The following DNAJC21 variants were observed in gnomAD, a reference collection of about 807,000 sequenced individuals.
The protein encoded by DNAJC21 is DnaJ heat shock protein family (Hsp40) member C21.
Under a neutral mutation model 72.4 loss-of-function variants are expected in DNAJC21, and 63 were observed. The observed-to-expected ratio is 0.87, with a 90% CI of 0.71 to 1.07. The LOEUF is 1.07. DNAJC21 is among the 50% of genes least tolerant of loss of function. The pLI is 0.00. For missense variants in DNAJC21, 634 were observed against 644.8 expected (o/e 0.98, Z 0.18); for synonymous variants, 203 against 216.7 (o/e 0.94, Z 0.56).
At chr5:34,948,331 T>G (rs1765240306) in intron 9 of DNAJC21, among the ~76,000 whole-genome samples, 1 of 152,166 alleles carries the variant, frequency 6.6e-6, no homozygotes, top group South Asian at 2.1e-4. Context: ...GGCTTGCTCT[T>G]TGGAGAAATA....
chr5:34,937,013 A>G (rs1764802473), intron 4 of DNAJC21, among the ~76,000 whole-genome samples: 1 of 152,196 alleles, frequency 6.6e-6, no homozygotes, highest in Non-Finnish European at 1.5e-5. Flanking sequence ...AGCCTTCCAA[A>G]GTGCTGGGAT....
intron 1 of DNAJC21, 87 bp from the exon 2 acceptor site, chr5:34,933,728 T>C (rs1764676267): frequency 9.9e-7 from 1 of 1,013,132 alleles, no homozygotes; most frequent in Non-Finnish European, 1.5e-6. Context: ...ACGTCTCATC[T>C]GTTTGTGGCA....
chr5:34,951,995 T>C (rs560501088), intron 10 of DNAJC21: 62 of 985,436 alleles, frequency 6.3e-5, no homozygotes, highest in Non-Finnish European at 7.2e-5. Flanking sequence ...AGATACATTA[T>C]ACCCAGCACC....
intron 7 of DNAJC21, among the ~76,000 whole-genome samples, chr5:34,944,084 C>CA (rs1291940595): frequency 7.9e-5 from 12 of 152,310 alleles, no homozygotes; most frequent in Admixed American, 4.6e-4. Flanking sequence ...AGATAGTTGA[C>CA]AAAGTTTCCT....
chr5:34,956,428 T>C lies in DNAJC21; in HGVS notation c.*1714T>C, dbSNP rs939385732. 3 of 152,218 alleles carry C rather than the reference T, an allele frequency of 2.0e-5. No homozygotes were observed. Among genetic ancestry groups the C allele is most frequent in the Non-Finnish European group, 2.9e-5 (2 of 68,036 alleles). The allele number at this position is 152,218 out of a possible 1,614,324, so 9.4% of individuals were successfully genotyped here. A position where few individuals can be genotyped will look rare whatever the true frequency, so the allele number is the denominator to read the frequency against. ...TAATTGTCCCTGCTCCCCTTCTTGA[T>C]CTCTTCAGGGGGAATACTAGGCAGT... On this transcript the variant is annotated 3_prime_UTR_variant, in exon 12 of 12. Coordinates refer to ENST00000648817, the MANE Select transcript of DNAJC21 (RefSeq NM_001012339.3).
At chr5:34,937,038 A>G (rs983785305) in intron 4 of DNAJC21, among the ~76,000 whole-genome samples, 1 of 152,236 alleles carries the variant, frequency 6.6e-6, no homozygotes, top group Non-Finnish European at 1.5e-5. Context: ...GGCGTGAGCC[A>G]CCATGCCTAC....
intron 7 of DNAJC21, among the ~76,000 whole-genome samples, chr5:34,944,441 T>TA (rs1323288556): frequency 6.6e-6 from 1 of 152,218 alleles, no homozygotes; most frequent in Non-Finnish European, 1.5e-5. Context: ...GCCTGGAATG[T>TA]AAAAACACTT....
chr5:34,950,338 A>G lies in DNAJC21; in HGVS notation c.1354A>G (p.Lys452Glu). Reference protein sequence around the residue: ...KPCDDPKSEAKSVPKPKGKKT... With the variant: ...KPCDDPKSEAESVPKPKGKKT... ...ATGTGATGATCCAAAAAGTGAAGCT[A>G]AAAGGTAAGTCAAAGTTGCATATTA... The change falls in exon 10 of 12, where the codon AAA becomes GAA. Residue 452 changes from lysine to glutamate, a missense_variant. By Grantham distance (56) the Lys-to-Glu change is moderately conservative. Transcript: ENST00000648817. 2 of 1,609,280 alleles carry G rather than the reference A, an allele frequency of 1.2e-6. No individual in the cohort carries two copies. The highest frequency in any genetic ancestry group is 1.7e-6 in the Non-Finnish European group (2 of 1,178,378).
intron 1 of DNAJC21, among the ~76,000 whole-genome samples, chr5:34,930,589 T>C (rs1164800499): frequency 6.6e-6 from 1 of 152,158 alleles, no homozygotes; most frequent in Non-Finnish European, 1.5e-5. Context: ...TTTGGATGTT[T>C]CATTGGTCTG....
chr5:34,953,400 A>G (rs1379229732), intron 10 of DNAJC21: 1 of 152,014 alleles, frequency 6.6e-6, no homozygotes, highest in East Asian at 2.0e-4. Context: ...AACTGGGATT[A>G]CAGGTGCCTG....
chr5:34,932,381 A>C (rs1448279450), intron 1 of DNAJC21, among the ~76,000 whole-genome samples: 1 of 150,442 alleles, frequency 6.6e-6, no homozygotes, highest in Non-Finnish European at 1.5e-5. Context: ...AGATCGCGCC[A>C]CTGCACTCCA....
chr5:34,935,647 A>G, intron 2 of DNAJC21, 63 bp from the exon 3 acceptor site: 1 of 1,599,448 alleles, frequency 6.3e-7, no homozygotes, highest in Non-Finnish European at 8.6e-7. Context: ...CAAAAGGAGC[A>G]AGAAATCCTT....
Position 34,938,866 on chromosome 5 carries a change from A to G in DNAJC21, c.752A>G (p.Glu251Gly). Residue 251 changes from glutamate to glycine, a missense_variant, in exon 6 of 12, where the codon GAG becomes GGG. Physicochemically the swap from Glu to Gly is moderately conservative, Grantham distance 98. Transcript: ENST00000648817. ...QQKLKQAKLV[E>G]QYREQSWMTM... Reference sequence around the variant, plus strand: ...GTGCTGTATGTGTCTAGACTGGTGGAGCAGTACAGAGAACAGAGCTGGATG... The same window carrying G: ...GTGCTGTATGTGTCTAGACTGGTGGGGCAGTACAGAGAACAGAGCTGGATG... 6.2e-7 allele frequency: 1 copy of G among 1,612,608 alleles called. No individual in the cohort carries two copies. Among genetic ancestry groups the G allele is most frequent in the Non-Finnish European group, 8.5e-7 (1 of 1,179,550 alleles).
At position 34,935,788 on chromosome 5, in the gene DNAJC21, C is replaced by CT. The variant is rs1247294628; in HGVS notation, c.271dup (p.Tyr91LeufsTer13). The CT allele has an allele frequency of 9.3e-6, 15 of 1,613,858 alleles. No individual in the cohort carries two copies. The highest frequency in any genetic ancestry group is 1.3e-5 in the African/African-American group (1 of 74,886). ...AAGATGACAGCTTAGATTTGCTACG[C>CT]TATTTCACCGTTACCTGTTATTCTG... On this transcript the variant is annotated frameshift_variant, in exon 3 of 12. Transcript: ENST00000648817. LOFTEE classifies it high-confidence loss of function.
At chr5:34,952,089 A>G (rs952675568) in intron 10 of DNAJC21, 62 of 984,998 alleles carry the variant, frequency 6.3e-5, no homozygotes, top group Non-Finnish European at 7.0e-5. Context: ...TGGTGTGGAC[A>G]CTGGCCACCT....
In DNAJC21 at chr5:34,957,498, G is replaced by A. The variant is rs978045124; in HGVS notation, c.*2784G>A. The A allele has an allele frequency of 0.14, 10 of 74 alleles. No individual in the cohort carries two copies. The highest frequency in any genetic ancestry group is 0.36 in the African/African-American group (10 of 28). 0.0% of individuals were successfully genotyped at this position (74 alleles called of 1,614,324 possible). A position where few individuals can be genotyped will look rare whatever the true frequency, so the allele number is the denominator to read the frequency against. The stretch of plus-strand genomic sequence containing the variant: ...GAAGGAAAAGCAGAGCTGTGAATGA[G>A]TTAGTGGAGGTCAAGTCACATCAGA... On this transcript the variant is annotated 3_prime_UTR_variant, in exon 12 of 12. Coordinates refer to ENST00000648817, the MANE Select transcript of DNAJC21 (RefSeq NM_001012339.3).
At position 34,939,012 on chromosome 5, in the gene DNAJC21, A is replaced by G; in HGVS notation, c.895+3A>G. The G allele has an allele frequency of 6.5e-7, 1 of 1,545,302 alleles. No homozygotes were observed. On this transcript the variant is annotated splice_donor_region_variant and intron_variant, in intron 6 of 11. Coordinates refer to ENST00000648817, the MANE Select transcript of DNAJC21 (RefSeq NM_001012339.3). ...TGAACTCAAAGATGAGGAGGATGGT[A>G]ATATTATTTTTATTTTATTTATCTT...
At chr5:34,941,357 C>A (rs1764983798) in intron 7 of DNAJC21, among the ~76,000 whole-genome samples, 174 bp downstream of exon 7, 1 of 151,972 alleles carries the variant, frequency 6.6e-6, no homozygotes, top group South Asian at 2.1e-4. Context: ...GCCATCATGG[C>A]CAGCTAAAAA....
intron 8 of DNAJC21, 129 bp from the exon 9 acceptor site, chr5:34,945,632 A>G: frequency 1.4e-6 from 1 of 736,752 alleles, no homozygotes; most frequent in Admixed American, 3.4e-5. Context: ...TAATGCTTTA[A>G]GATATTAAAT....
Sources: gnomAD v4.1 joint callset for allele counts (sites outside exome capture counted in the v4.1 genomes callset) on GRCh38, gnomAD v4.1.1 for gene constraint, MANE v1.5 for transcripts, NCBI Gene and HGNC (gene_info 2026-07-23, HGNC 2026-07-21) for gene names.